The following C12orf43 variants were observed in gnomAD, a reference collection of about 807,000 sequenced individuals.
The protein encoded by C12orf43 is chromosome 12 open reading frame 43.
In C12orf43, 15 loss-of-function variants were observed where a neutral mutation model predicts 20.6. The observed-to-expected ratio is 0.73, with a 90% CI of 0.49 to 1.12. C12orf43 has a LOEUF of 1.12. Ranked by LOEUF, C12orf43 falls within the 50% of genes most tolerant of loss-of-function variation. The probability of loss-of-function intolerance (pLI) is 0.00; values close to 1 mark genes in which losing one functional copy is unlikely to be tolerated. For missense variants in C12orf43, 334 were observed against 344.4 expected, an observed-to-expected ratio of 0.97 and a Z score of 0.24; for synonymous variants, 144 against 130.8, an observed-to-expected ratio of 1.10 and a Z score of -0.69.
intron 1 of C12orf43, among the ~76,000 whole-genome samples, chr12:121,015,901 C>T (rs1868862496): frequency 1.3e-5 from 2 of 152,168 alleles, no homozygotes; most frequent in South Asian, 2.1e-4. Flanking sequence ...TGTTGCGGGG[C>T]TCTGTATTTA....
At chr12:121,011,516 G>A (rs1878471951) in intron 1 of C12orf43, among the ~76,000 whole-genome samples, 1 of 150,704 alleles carries the variant, frequency 6.6e-6, no homozygotes, top group Admixed American at 6.6e-5. Flanking sequence ...AGTTATATAT[G>A]TAACTTAAAA....
chr12:121,006,489 T>C, intron 3 of C12orf43, 95 bp from the exon 4 acceptor site: 1 of 1,236,346 alleles, frequency 8.1e-7, no homozygotes, highest in Non-Finnish European at 1.2e-6. Flanking sequence ...GGTATGTGAT[T>C]GTAAATGCAA....
chr12:121,004,303 G>A lies in C12orf43; in HGVS notation c.639C>T (p.Thr213=). The A allele has an allele frequency of 6.2e-7, 1 of 1,614,156 alleles. No individual in the cohort carries two copies. Among genetic ancestry groups the A allele is most frequent in the Non-Finnish European group, 8.5e-7 (1 of 1,180,030 alleles). Residue 213 remains threonine, a synonymous_variant, in exon 6 of 6, where the codon ACC becomes ACT. Coordinates refer to ENST00000288757, the MANE Select transcript of C12orf43 (RefSeq NM_022895.3). The surrounding 1 kb of genome is among the most constrained non-coding windows in gnomAD (Gnocchi z 5.6). The stretch of plus-strand genomic sequence containing the variant: ...TCTGCTTCTGGACTGTGGCCATGCT[G>A]GTGGGGGTGGTGGCAGCGACAGCCG... The part of the protein sequence containing the change: ...VDSAVAATTP[T]SMATVQKQKS...
In C12orf43 at chr12:121,005,791, C is replaced by G. The variant is rs182293223; in HGVS notation, c.361+530G>C. 528 of 156,402 alleles carry G rather than the reference C, an allele frequency of 3.4e-3. 6 individuals are homozygous for G. The highest frequency in any genetic ancestry group is 3.2e-3 in the Non-Finnish European group (224 of 70,788). The allele number at this position is 156,402 out of a possible 1,614,324, so 9.7% of individuals were successfully genotyped here. A position where few individuals can be genotyped will look rare whatever the true frequency, so the allele number is the denominator to read the frequency against. On this transcript the variant is annotated intron_variant, in intron 4 of 5. Transcript: ENST00000288757. The surrounding 1 kb of genome is among the most constrained non-coding windows in gnomAD (Gnocchi z 5.6). The stretch of plus-strand genomic sequence containing the variant: ...TACCTGCCTCACCACAGGGGCTGAG[C>G]AGATGAAAGAATGGTGAGGTGGCCC...
chr12:121,002,518 T>C lies in C12orf43; in HGVS notation c.*1635A>G, dbSNP rs867475513. ...AAGGAGAAATGCGGTGGAAACTTCT[T>C]GCTTGTCCACAAATCATTCAGATGG... On this transcript the variant is annotated 3_prime_UTR_variant, in exon 6 of 6. Transcript: ENST00000288757. 2.0e-6 allele frequency: 1 copy of C among 504,974 alleles called. No homozygotes were observed. The highest frequency in any genetic ancestry group is 3.9e-6 in the Non-Finnish European group (1 of 256,784). The allele number at this position is 504,974 out of a possible 1,614,324, so 31.3% of individuals were successfully genotyped here.
At position 121,004,346 on chromosome 12, in the gene C12orf43, T is replaced by A; in HGVS notation, c.596A>T (p.Lys199Met). Residue 199 changes from lysine to methionine, a missense_variant, in exon 6 of 6, where the codon AAG (lysine) becomes ATG (methionine). Transcript: ENST00000288757. The surrounding 1 kb of genome is among the most constrained non-coding windows in gnomAD (Gnocchi z 5.6). ...GACAGCCGAGTCGACACTGGCCACC[T>A]TCTTGGCTTTCTTTTTCAACTTCCT... ...KKRKLKKKAK[K>M]VASVDSAVAA... 1 of 1,614,216 alleles carries A rather than the reference T, an allele frequency of 6.2e-7. No homozygotes were observed. The highest frequency in any genetic ancestry group is 1.1e-5 in the South Asian group (1 of 91,080).
At position 121,001,236 on chromosome 12, in the gene C12orf43, G is replaced by A; in HGVS notation, c.*2917C>T. On this transcript the variant is annotated 3_prime_UTR_variant, in exon 6 of 6. Coordinates refer to ENST00000288757, the MANE Select transcript of C12orf43 (RefSeq NM_022895.3). ...GGGGCCTGTACTGCCTGCTTGGGGG[G>A]TGATGAGGGCAGCAGCCAGCCCTGC... 1 of 1,610,200 alleles carries A rather than the reference G, an allele frequency of 6.2e-7. No homozygotes were observed. Among genetic ancestry groups the A allele is most frequent in the Non-Finnish European group, 8.5e-7 (1 of 1,178,520 alleles).
intron 1 of C12orf43, among the ~76,000 whole-genome samples, chr12:121,014,446 C>T (rs4278584): frequency 0.39 from 59,251 of 150,458 alleles, 12,231 homozygotes; most frequent in East Asian, 0.74. Flanking sequence ...CTGGCCAACA[C>T]GGTGAAACCC....
chr12:121,006,190 T>C (rs1454062953), intron 4 of C12orf43, 131 bp downstream of exon 4: 10 of 772,328 alleles, frequency 1.3e-5, no homozygotes, highest in Non-Finnish European at 2.1e-5. Flanking sequence ...CACTCCAGCC[T>C]AGGTGGCAGA....
At chr12:121,012,302 C>T (rs1005985040) in intron 1 of C12orf43, 25 of 681,838 alleles carry the variant, frequency 3.7e-5, no homozygotes, top group South Asian at 6.1e-5. Context: ...CCCAGTAAAC[C>T]GGGAGCAGCA....
intron 3 of C12orf43, among the ~76,000 whole-genome samples, chr12:121,007,891 A>C (rs1275208357): frequency 6.6e-6 from 1 of 152,054 alleles, no homozygotes. Flanking sequence ...TCTTGACCCC[A>C]CACAGTGGTT....
At chr12:121,006,199 G>C in intron 4 of C12orf43, 122 bp downstream of exon 4, 1 of 846,660 alleles carries the variant, frequency 1.2e-6, no homozygotes, top group Non-Finnish European at 1.8e-6. Flanking sequence ...CTAGGTGGCA[G>C]AGAGAGTTCC....
Position 121,016,389 on chromosome 12 carries a change from GCCT to G in C12orf43, c.83_85del (p.Glu28del). On this transcript the variant is annotated inframe_deletion, in exon 1 of 6. Coordinates refer to ENST00000288757, the MANE Select transcript of C12orf43 (RefSeq NM_022895.3). ...CTCCAAGCCCCAAGCCGGCATTGCC[GCCT>G]CGCGGCACCGCTCCAGCTCCTCCGC... The G allele has an allele frequency of 6.2e-7, 1 of 1,613,916 alleles. No homozygotes were observed. Among genetic ancestry groups the G allele is most frequent in the Non-Finnish European group, 8.5e-7 (1 of 1,180,044 alleles).
intron 4 of C12orf43, 133 bp downstream of exon 4, chr12:121,006,188 C>T: frequency 1.3e-6 from 1 of 766,892 alleles, no homozygotes; most frequent in Non-Finnish European, 2.1e-6. Flanking sequence ...TGCACTCCAG[C>T]CTAGGTGGCA....
chr12:121,002,548 T>C lies in C12orf43; in HGVS notation c.*1605A>G, dbSNP rs1163844789. 4.1e-6 allele frequency: 2 copies of C among 490,978 alleles called. No individual in the cohort carries two copies. The highest frequency in any genetic ancestry group is 8.1e-6 in the Non-Finnish European group (2 of 248,162). The allele number at this position is 490,978 out of a possible 1,614,324, so 30.4% of individuals were successfully genotyped here. On this transcript the variant is annotated 3_prime_UTR_variant, in exon 6 of 6. Coordinates refer to ENST00000288757, the MANE Select transcript of C12orf43 (RefSeq NM_022895.3). ...GTCCACAAATCATTCAGATGGGGTT[T>C]GGGCAGGTAGCGGGAGGCTGGGGCA...
rs935758786 is a variant in C12orf43 at position 121,001,468 on chromosome 12, G to C, written c.*2685C>G. 8.0e-6 allele frequency: 4 copies of C among 501,846 alleles called. No individual in the cohort carries two copies. The highest frequency in any genetic ancestry group is 7.7e-5 in the African/African-American group (4 of 52,218). The allele number at this position is 501,846 out of a possible 1,614,324, so 31.1% of individuals were successfully genotyped here. A position where few individuals can be genotyped will look rare whatever the true frequency, so the allele number is the denominator to read the frequency against. The stretch of plus-strand genomic sequence containing the variant: ...TAGGAGGGACTGTCGCTGCTTCGTG[G>C]GATACAGTCTTCTTACTTGGAACTG... On this transcript the variant is annotated 3_prime_UTR_variant, in exon 6 of 6. Coordinates refer to ENST00000288757, the MANE Select transcript of C12orf43 (RefSeq NM_022895.3).
Position 121,016,366 on chromosome 12 carries a change from C to G in C12orf43, c.109G>C (p.Glu37Gln). The stretch of plus-strand genomic sequence containing the variant: ...TTCCCTGCCACGTGCGGGCGTTGCT[C>G]CAAGCCCCAAGCCGGCATTGCCGCC... The part of the protein sequence containing the change: ...REAAMPAWGL[E>Q]QRPHVAGKPR... The change falls in exon 1 of 6, where the codon GAG becomes CAG. Residue 37 changes from glutamate to glutamine, a missense_variant. Glu to Gln is a conservative substitution (Grantham distance 29). Coordinates refer to ENST00000288757, the MANE Select transcript of C12orf43 (RefSeq NM_022895.3). The G allele has an allele frequency of 6.2e-7, 1 of 1,613,848 alleles. No homozygotes were observed. Among genetic ancestry groups the G allele is most frequent in the Non-Finnish European group, 8.5e-7 (1 of 1,180,038 alleles).
At position 121,005,777 on chromosome 12, in the gene C12orf43, C is replaced by A. The variant is rs1385164749; in HGVS notation, c.361+544G>T. ...GGGTTCAATCATAATACCTGCCTCACCACAGGGGCTGAGCAGATGAAAGAA... is the reference window on the plus strand; with the variant it reads ...GGGTTCAATCATAATACCTGCCTCAACACAGGGGCTGAGCAGATGAAAGAA... On this transcript the variant is annotated intron_variant, in intron 4 of 5. Coordinates refer to ENST00000288757, the MANE Select transcript of C12orf43 (RefSeq NM_022895.3). This position sits in a 1 kb window ranked among gnomAD's most constrained non-coding sequence, Gnocchi z 5.6. 1 of 154,832 alleles carries A rather than the reference C, an allele frequency of 6.5e-6. No homozygotes were observed. The highest frequency in any genetic ancestry group is 1.4e-5 in the Non-Finnish European group (1 of 69,812). The allele number at this position is 154,832 out of a possible 1,614,324, so 9.6% of individuals were successfully genotyped here. A position where few individuals can be genotyped will look rare whatever the true frequency, so the allele number is the denominator to read the frequency against.
chr12:121,006,499 A>C, intron 3 of C12orf43, 105 bp from the exon 4 acceptor site: 3 of 1,078,678 alleles, frequency 2.8e-6, no homozygotes, highest in Middle Eastern at 2.0e-4. Context: ...TGTAAATGCA[A>C]AAGCGAAAGC....
Sources: allele counts gnomAD v4.1 joint callset (sites outside exome capture counted in the v4.1 genomes callset), GRCh38; gene constraint gnomAD v4.1.1; non-coding constraint Gnocchi (gnomAD v3.1); transcripts MANE v1.5; gene names NCBI Gene and HGNC (gene_info 2026-07-23, HGNC 2026-07-21).